WDR35: variants seen among roughly 807,000 people sequenced by gnomAD.
WDR35 encodes WD repeat domain 35.
In WDR35, 118 loss-of-function variants were observed where a neutral mutation model predicts 158.3. That is an observed-to-expected ratio of 0.75 (90% CI 0.64 to 0.87). The LOEUF is 0.87. Among genes scored for constraint, WDR35 ranks in the 40% least tolerant of loss-of-function variants. WDR35 has a pLI of 0.00. For missense variants in WDR35, 1,263 were observed against 1,405.8 expected (o/e 0.90, Z 1.62); for synonymous variants, 448 against 476.1 (o/e 0.94, Z 0.77).
intron 25 of WDR35, among the ~76,000 whole-genome samples, chr2:19,914,861 TACA>T (rs1669945882): frequency 6.6e-6 from 1 of 150,868 alleles, no homozygotes; most frequent in Non-Finnish European, 1.5e-5. Flanking sequence ...CAATTCAAGT[TACA>T]ACATCTTATT....
intron 25 of WDR35, among the ~76,000 whole-genome samples, chr2:19,922,549 C>A (rs1670200600): frequency 6.9e-6 from 1 of 145,362 alleles, no homozygotes; most frequent in Non-Finnish European, 1.5e-5. Context: ...GGCAGGAGAT[C>A]ACACACCGGG....
chr2:19,935,622 A>C lies in WDR35; in HGVS notation c.2415-19T>G. The C allele has an allele frequency of 6.2e-7, 1 of 1,607,824 alleles. No homozygotes were observed. Among genetic ancestry groups the C allele is most frequent in the Non-Finnish European group, 8.5e-7 (1 of 1,179,006 alleles). ...ATTCAACCTACAGAAAGAAAAAAGG[A>C]AAAACTTTTAAAACTAATGTGAATC... On this transcript the variant is annotated intron_variant, in intron 20 of 26. Transcript: ENST00000281405.
chr2:19,918,345 A>G (rs1416923281), intron 25 of WDR35, among the ~76,000 whole-genome samples: 4 of 152,230 alleles, frequency 2.6e-5, no homozygotes, highest in Admixed American at 2.6e-4. Flanking sequence ...TAACAGACAG[A>G]ATAACCAGCT....
intron 9 of WDR35, among the ~76,000 whole-genome samples, chr2:19,968,628 T>C (rs1320537156): frequency 6.6e-6 from 1 of 152,198 alleles, no homozygotes; most frequent in East Asian, 1.9e-4. Context: ...CTTCCTTACT[T>C]GCTGGGACTA....
At chr2:19,954,020 T>C in intron 11 of WDR35, 42 bp from the exon 12 acceptor site, 1 of 1,612,532 alleles carries the variant, frequency 6.2e-7, no homozygotes, top group Non-Finnish European at 8.5e-7. Context: ...TTACACAGAA[T>C]TGCAGAATGC....
chr2:19,936,147 T>C, intron 20 of WDR35, 72 bp downstream of exon 20: 1 of 1,603,546 alleles, frequency 6.2e-7, no homozygotes, highest in Non-Finnish European at 8.5e-7. Flanking sequence ...CCAGGATTAC[T>C]TCCTAGAGAA....
chr2:19,922,334 G>A (rs1171962036), intron 25 of WDR35, among the ~76,000 whole-genome samples: 1 of 152,170 alleles, frequency 6.6e-6, no homozygotes. Context: ...GCCCATCAAT[G>A]ATAGACTGGA....
intron 2 of WDR35, 24 bp downstream of exon 2, chr2:19,989,141 A>T (rs957263920): frequency 5.0e-6 from 8 of 1,601,936 alleles, no homozygotes; most frequent in Non-Finnish European, 6.8e-6. Flanking sequence ...TTACTACCAA[A>T]CATGTGGGCT....
chr2:19,973,843 C>A, intron 7 of WDR35, 135 bp from the exon 8 acceptor site: 1 of 1,258,190 alleles, frequency 7.9e-7, no homozygotes. Flanking sequence ...TACAACGGCT[C>A]ACGCCTATAA....
In WDR35 at chr2:19,932,262, TC is replaced by T; in HGVS notation, c.2823+20del. ...ATTGTGACTGGAACAAATCAACTAT[TC>T]ACCAAGATTTTTACATTACCTTAAA... On this transcript the variant is annotated intron_variant, in intron 23 of 26. Coordinates refer to ENST00000281405, the MANE Select transcript of WDR35 (RefSeq NM_020779.4). 1 of 1,612,772 alleles carries T rather than the reference TC, an allele frequency of 6.2e-7. No individual in the cohort carries two copies. The highest frequency in any genetic ancestry group is 8.5e-7 in the Non-Finnish European group (1 of 1,179,236).
chr2:19,926,492 G>A (rs1670359003), intron 25 of WDR35, among the ~76,000 whole-genome samples: 4 of 152,190 alleles, frequency 2.6e-5, no homozygotes, highest in South Asian at 2.1e-4. Flanking sequence ...TTCTTCATAC[G>A]TGGTTCATTC....
At chr2:19,960,038 G>A (rs1422091440) in intron 11 of WDR35, among the ~76,000 whole-genome samples, 8 of 151,890 alleles carry the variant, frequency 5.3e-5, no homozygotes. Flanking sequence ...AAAAAGTCAG[G>A]AATTTTTAAA....
intron 20 of WDR35, 79 bp downstream of exon 20, chr2:19,936,140 G>T: frequency 6.3e-7 from 1 of 1,582,674 alleles, no homozygotes; most frequent in Non-Finnish European, 8.6e-7. Context: ...CATTTCCCCA[G>T]GATTACTTCC....
chr2:19,918,549 C>A (rs1410017360), intron 25 of WDR35, among the ~76,000 whole-genome samples: 1 of 151,872 alleles, frequency 6.6e-6, no homozygotes, highest in Non-Finnish European at 1.5e-5. Context: ...GGAATATTTA[C>A]CAAGGAAATG....
chr2:19,924,972 A>G (rs559310229), intron 25 of WDR35, among the ~76,000 whole-genome samples: 1 of 152,332 alleles, frequency 6.6e-6, no homozygotes, highest in Admixed American at 6.5e-5. Flanking sequence ...AAAGATGGGA[A>G]CCTGATTTTG....
At chr2:19,979,395 A>G (rs1030471805) in intron 4 of WDR35, among the ~76,000 whole-genome samples, 1 of 152,224 alleles carries the variant, frequency 6.6e-6, no homozygotes, top group African/African-American at 2.4e-5. Context: ...AATACACAGC[A>G]TATTAGGTAA....
At chr2:19,935,194 C>A in intron 21 of WDR35, 1 of 206,228 alleles carries the variant, frequency 4.8e-6, no homozygotes, top group Non-Finnish European at 9.5e-6. Flanking sequence ...ATGTATTCAG[C>A]TAACATTTAA....
chr2:19,987,816 T>G (rs1426909406), intron 2 of WDR35, among the ~76,000 whole-genome samples: 1 of 112,428 alleles, frequency 8.9e-6, no homozygotes, highest in African/African-American at 3.5e-5. Context: ...AGAGCGAAAC[T>G]CTGTCTCAAA....
In WDR35 at chr2:19,961,552, C is replaced by G. The variant is rs192798428; in HGVS notation, c.1195-938G>C. 7.9e-5 allele frequency among the ~76,000 whole-genome samples: 12 copies of G among 152,202 alleles called. No individual in the cohort carries two copies. The East Asian group carries it at 2.3e-3, about 29-fold the overall frequency. On this transcript the variant is annotated intron_variant, in intron 10 of 26. Transcript: ENST00000281405. ...GTATCAAGAACCTGAGGCATTTCTTCAAAAATTGCAAAAGGAGATGAAACA... is the reference window on the plus strand; with the variant it reads ...GTATCAAGAACCTGAGGCATTTCTTGAAAAATTGCAAAAGGAGATGAAACA...
Sources: allele counts gnomAD v4.1 joint callset (sites outside exome capture counted in the v4.1 genomes callset), GRCh38; gene constraint gnomAD v4.1.1; transcripts MANE v1.5; gene names NCBI Gene and HGNC (gene_info 2026-07-23, HGNC 2026-07-21).